Variants in LCN8 observed in about 807,000 individuals in gnomAD.
LCN8 encodes the protein lipocalin 8.
LCN8 carries 16 observed loss-of-function variants against 22.8 expected under a neutral mutation model. The observed-to-expected ratio is 0.70, with a 90% confidence interval of 0.47 to 1.06. The LOEUF (loss-of-function observed/expected upper bound fraction) is 1.06, where lower values mean the gene tolerates loss of function less well. Ranked by LOEUF, LCN8 falls within the 50% of genes least tolerant of loss-of-function variation. LCN8 has a pLI of 0.00. For synonymous variants in LCN8, 92 were observed against 83.4 expected (o/e 1.10, Z -0.56); for missense variants, 189 against 203.3 (o/e 0.93, Z 0.43).
chr9:136,757,109 G>A lies in LCN8; in HGVS notation c.84C>T (p.Ala28=). 1 of 1,613,574 alleles carries A rather than the reference G, an allele frequency of 6.2e-7. No individual in the cohort carries two copies. Among genetic ancestry groups the A allele is most frequent in the East Asian group, 2.2e-5 (1 of 44,868 alleles). The change falls in exon 2 of 7, where the codon GCC becomes GCT. Residue 28 remains alanine, a synonymous_variant. Transcript: ENST00000371688. ...VASDQSLVLT[A]PKRVEGLFLT... ...GGAACAAGCCCTCCACCCGCTTCGG[G>A]GCCGTCAGCACCAGGCTTTGATCGG...
In LCN8 at chr9:136,758,007, T is replaced by G. The variant is rs1588310366; in HGVS notation, c.-77A>C. ...CGGCAGCCTGGCCTCCGTGGCGGGG[T>G]CCGGGCTCCGGGTTCCCCTGCTGCA... On this transcript the variant is annotated 5_prime_UTR_variant, in exon 1 of 7. Transcript: ENST00000371688. The G allele has an allele frequency of 6.3e-7, 1 of 1,579,228 alleles. No individual in the cohort carries two copies. Among genetic ancestry groups the G allele is most frequent in the Non-Finnish European group, 8.6e-7 (1 of 1,164,356 alleles).
chr9:136,757,058 G>C lies in LCN8; in HGVS notation c.135C>G (p.Thr45=), dbSNP rs149903464. The change falls in exon 2 of 7, where the codon ACC becomes ACG. Residue 45 remains threonine (T), a synonymous_variant. Coordinates refer to ENST00000371688, the MANE Select transcript of LCN8 (RefSeq NM_178469.4). ...LFLTLSGSNL[T]VKVAYNSSGS... ...CTTACCTGTTATATGCAACCTTCACGGTCAGGTTACTCCCGCTCAAGGTGA... is the reference window on the plus strand; with the variant it reads ...CTTACCTGTTATATGCAACCTTCACCGTCAGGTTACTCCCGCTCAAGGTGA... The C allele has an allele frequency of 6.2e-7, 1 of 1,613,328 alleles. No individual in the cohort carries two copies. The highest frequency in any genetic ancestry group is 1.1e-5 in the South Asian group (1 of 90,910).
At chr9:136,757,233 C>T in intron 1 of LCN8, 65 bp from the exon 2 acceptor site, 6 of 1,567,946 alleles carry the variant, frequency 3.8e-6, no homozygotes, top group Non-Finnish European at 5.2e-6. Flanking sequence ...GGGCATTCCA[C>T]GAACCCCCGG....
At chr9:136,757,582 A>C (rs1847239960) in intron 1 of LCN8, 1 of 1,392,568 alleles carries the variant, frequency 7.2e-7, no homozygotes, top group Admixed American at 3.0e-5. Context: ...GCAGCTCGCC[A>C]GCCTGCCAAC....
chr9:136,756,350 A>T, intron 3 of LCN8, 172 bp downstream of exon 3: 1 of 1,565,838 alleles, frequency 6.4e-7, no homozygotes, highest in Non-Finnish European at 8.6e-7. Context: ...AACATGGGGA[A>T]CAGCACAGGG....
rs1847253431 is a variant in LCN8 at position 136,758,107 on chromosome 9, G to T, written c.-177C>A. On this transcript the variant is annotated 5_prime_UTR_variant, in exon 1 of 7. Transcript: ENST00000371688. Reference sequence around the variant, plus strand: ...GGAATGTCATCAGGACAGCTTGGCTGCTGGCAGCTCAGAGACGTGGGTTTC... The same window carrying T: ...GGAATGTCATCAGGACAGCTTGGCTTCTGGCAGCTCAGAGACGTGGGTTTC... 6.8e-7 allele frequency: 1 copy of T among 1,462,500 alleles called. No homozygotes were observed. Among genetic ancestry groups the T allele is most frequent in the Admixed American group, 2.3e-5 (1 of 43,108 alleles). 90.6% of individuals were successfully genotyped at this position (1,462,500 alleles called of 1,614,324 possible). A position where few individuals can be genotyped will look rare whatever the true frequency, so the allele number is the denominator to read the frequency against.
chr9:136,757,508 G>A (rs566804478), intron 1 of LCN8: 23 of 1,350,202 alleles, frequency 1.7e-5, no homozygotes, highest in East Asian at 9.0e-5. Flanking sequence ...GCAGAGGCCT[G>A]GAAAAGAAAG....
intron 5 of LCN8, 40 bp from the exon 6 acceptor site, chr9:136,755,200 C>A (rs781537954): frequency 1.2e-6 from 2 of 1,608,054 alleles, no homozygotes; most frequent in Non-Finnish European, 1.7e-6. Context: ...AGAGTCAGCC[C>A]ACAGGGCCCA....
rs1847220944 is a variant in LCN8, at chr9:136,756,911, C to T, written c.155+127G>A. On this transcript the variant is annotated intron_variant, in intron 2 of 6. Transcript: ENST00000371688. ...GTCGAGGGCTCAGGCAGACGGGCAC[C>T]GGGAGTGCTGGCCCACCAGCGGGAC... The T allele has an allele frequency of 1.9e-5, 21 of 1,123,044 alleles. No individual in the cohort carries two copies. The East Asian group carries it at 2.8e-4, about 15-fold the overall frequency. 69.6% of individuals were successfully genotyped at this position (1,123,044 alleles called of 1,614,324 possible).
In LCN8 at chr9:136,757,025, C is replaced by T. The variant is rs895560129; in HGVS notation, c.155+13G>A. On this transcript the variant is annotated intron_variant, in intron 2 of 6. Transcript: ENST00000371688. ...CATGCCTCTTCCTCTCCAGCAGCCC[C>T]CAGGCCTCTTACCTGTTATATGCAA... 6.8e-6 allele frequency: 11 copies of T among 1,612,124 alleles called. No individual in the cohort carries two copies. The highest frequency in any genetic ancestry group is 1.7e-5 in the Admixed American group (1 of 59,888).
chr9:136,757,788 A>G lies in LCN8; in HGVS notation c.24+119T>C, dbSNP rs185099625. 1.1e-3 allele frequency: 1,782 copies of G among 1,598,024 alleles called. 2 individuals carry two copies. The highest frequency in any genetic ancestry group is 1.4e-3 in the Non-Finnish European group (1,665 of 1,169,488). On this transcript the variant is annotated intron_variant, in intron 1 of 6. Coordinates refer to ENST00000371688, the MANE Select transcript of LCN8 (RefSeq NM_178469.4). Reference sequence around the variant, plus strand: ...GGAGAAGAAAATGCCGCTAACAGGAAGTGTCTAGCCGGGCACCAGCGTCCC... The same window carrying G: ...GGAGAAGAAAATGCCGCTAACAGGAGGTGTCTAGCCGGGCACCAGCGTCCC...
intron 1 of LCN8, 81 bp downstream of exon 1, chr9:136,757,826 A>G (rs909119774): frequency 1.6e-5 from 26 of 1,607,320 alleles, no homozygotes; most frequent in Non-Finnish European, 1.9e-5. Context: ...CGAGCTCCCC[A>G]CACCGGGAGA....
chr9:136,754,843 A>C, intron 6 of LCN8: 1 of 1,346,098 alleles, frequency 7.4e-7, no homozygotes, highest in Non-Finnish European at 9.5e-7. Flanking sequence ...AAAAGGCGCC[A>C]TTTCTGCTCC....
intron 3 of LCN8, 115 bp downstream of exon 3, chr9:136,756,383 GGAACAGTGCAGGGAACAGCACAGA>G (rs775229659): frequency 7.5e-6 from 12 of 1,598,938 alleles, no homozygotes; most frequent in East Asian, 6.7e-5. Context: ...AACAGCATGG[GGAACAGTGCAGGGAACAGCACAGA>G]GAACAGTGCA....
intron 3 of LCN8, 43 bp downstream of exon 3, chr9:136,756,479 C>G (rs1309984254): frequency 1.2e-6 from 2 of 1,613,876 alleles, no homozygotes; most frequent in Non-Finnish European, 1.7e-6. Context: ...TAGCTGTGTG[C>G]ACAGCCGGGT....
rs780017420 is a variant in LCN8, at chr9:136,755,497, C to G, written c.246G>C (p.Val82=). ...CGTAGCCCTCGTAGTCGGTGTCCAG[C>G]ACGTGGATCTCTCTGTGGCCTTCAA... ...FAFPGHREIH[V]LDTDYEGYAI... is the part of the protein sequence containing the mutation. The change falls in exon 4 of 7, where the codon GTG becomes GTC. Residue 82 remains valine, a synonymous_variant. Transcript: ENST00000371688. 6.2e-7 allele frequency: 1 copy of G among 1,612,652 alleles called. No individual in the cohort carries two copies.
rs375390279 is a variant in LCN8, at chr9:136,757,145, G to A, written c.48C>T (p.Val16=). The part of the protein sequence containing the change: ...RQKIGGFWRE[V]GVASDQSLVL... ...CCAGGCTTTGATCGGAGGCCACACC[G>A]ACTTCCCTCCAGAATCCTCCAATCT... Residue 16 remains valine, a synonymous_variant, in exon 2 of 7, where the codon GTC becomes GTT. Coordinates refer to ENST00000371688, the MANE Select transcript of LCN8 (RefSeq NM_178469.4). 31 of 1,612,822 alleles carry A rather than the reference G, an allele frequency of 1.9e-5. No homozygotes were observed. In the African/African-American group the frequency reaches 2.9e-4, roughly 15 times the overall value.
chr9:136,757,026 C>T lies in LCN8; in HGVS notation c.155+12G>A, dbSNP rs1013903267. 1 of 1,612,192 alleles carries T rather than the reference C, an allele frequency of 6.2e-7. No individual in the cohort carries two copies. The highest frequency in any genetic ancestry group is 8.5e-7 in the Non-Finnish European group (1 of 1,179,368). ...ATGCCTCTTCCTCTCCAGCAGCCCC[C>T]AGGCCTCTTACCTGTTATATGCAAC... On this transcript the variant is annotated intron_variant, in intron 2 of 6. Coordinates refer to ENST00000371688, the MANE Select transcript of LCN8 (RefSeq NM_178469.4).
At chr9:136,757,683 G>T in intron 1 of LCN8, 5 of 1,439,530 alleles carry the variant, frequency 3.5e-6, no homozygotes, top group Non-Finnish European at 4.6e-6. Flanking sequence ...TTTTCGGGAG[G>T]AAAGAATCTT....
Sources: allele counts gnomAD v4.1 joint callset, GRCh38; gene constraint gnomAD v4.1.1; transcripts MANE v1.5; gene names NCBI Gene and HGNC (gene_info 2026-07-23, HGNC 2026-07-21).